C16orf96: variants seen among roughly 807,000 people sequenced by gnomAD.
The protein encoded by C16orf96 is uncharacterized protein C16orf96.
A neutral mutation model predicts 103.6 loss-of-function variants in C16orf96; 108 were observed. The observed-to-expected ratio is 1.04, with a 90% CI of 0.89 to 1.22. The LOEUF (loss-of-function observed/expected upper bound fraction) is 1.22, where lower values mean the gene tolerates loss of function less well. Among genes scored for constraint, C16orf96 ranks in the 50% most tolerant of loss-of-function variants. The probability of loss-of-function intolerance (pLI) is 0.00; values close to 1 mark genes in which losing one functional copy is unlikely to be tolerated. For missense variants in C16orf96, 1,586 were observed against 1,464.2 expected (o/e 1.08, Z -1.36); for synonymous variants, 566 against 593.5 (o/e 0.95, Z 0.67).
chr16:4,546,457 C>CTTTTT, the C16orf96 span, among the ~76,000 whole-genome samples: 4 of 104,548 alleles, frequency 3.8e-5, no homozygotes, highest in Non-Finnish European at 7.3e-5. Flanking sequence ...CGCGCCCGGA[C>CTTTTT]TTTTTTTTTT....
rs2059495012 is a variant in C16orf96 at position 4,575,626 on chromosome 16, A to G, written c.1146A>G (p.Pro382=). 6.6e-7 allele frequency: 1 copy of G among 1,525,232 alleles called. No individual in the cohort carries two copies. The highest frequency in any genetic ancestry group is 8.8e-7 in the Non-Finnish European group (1 of 1,135,482). 94.5% of individuals were successfully genotyped at this position (1,525,232 alleles called of 1,614,324 possible). ...CTGCCCCAGGTGCCCAGCCTCCACC[A>G]CTGGGAGACTGGCCTGCACTCCCAA... ...PVPAPGAQPP[P]LGDWPALPRR... is the part of the protein sequence containing the mutation. The change falls in exon 5 of 16, where the codon CCA becomes CCG. Residue 382 remains proline, a synonymous_variant. Transcript: ENST00000444310.
In C16orf96 at chr16:4,574,757, A is replaced by T. The variant is rs1229476946; in HGVS notation, c.574A>T (p.Asn192Tyr). The T allele has an allele frequency of 1.3e-6, 2 of 1,551,762 alleles. No individual in the cohort carries two copies. Among genetic ancestry groups the T allele is most frequent in the Non-Finnish European group, 1.7e-6 (2 of 1,147,098 alleles). Residue 192 changes from asparagine to tyrosine, a missense_variant, in exon 3 of 16, where the codon AAC becomes TAC. Coordinates refer to ENST00000444310, the MANE Select transcript of C16orf96 (RefSeq NM_001145011.2). ...DIFAEDFKIQNWKMVALQREV... is the reference protein window; with the variant it reads ...DIFAEDFKIQYWKMVALQREV... ...CTTTGCTGAAGACTTCAAAATACAGAACTGGAAGATGGTTGCACTGCAGCG... is the reference window on the plus strand; with the variant it reads ...CTTTGCTGAAGACTTCAAAATACAGTACTGGAAGATGGTTGCACTGCAGCG...
rs534734920 is a variant in C16orf96 at position 4,563,956 on chromosome 16, C to T, written c.420+7047C>T. 3.0e-4 allele frequency among the ~76,000 whole-genome samples: 45 copies of T among 151,044 alleles called. 1 individual carries two copies. In the South Asian group the frequency reaches 8.4e-3, roughly 28 times the overall value. ...CTCCCACCTGTAATCCCAGCACTTTCGGAGGCCGAAGTGGGCGGATCACCT... is the reference window on the plus strand; with the variant it reads ...CTCCCACCTGTAATCCCAGCACTTTTGGAGGCCGAAGTGGGCGGATCACCT... On this transcript the variant is annotated intron_variant, in intron 1 of 15. Transcript: ENST00000444310.
the C16orf96 span, chr16:4,538,814 C>T: frequency 1.3e-5 from 2 of 152,148 alleles, no homozygotes; most frequent in African/African-American, 4.8e-5. Flanking sequence ...GGGCCGAGGC[C>T]CGGGACGTCA....
At chr16:4,585,656 C>T (rs892038346) in intron 7 of C16orf96, among the ~76,000 whole-genome samples, 3 of 152,084 alleles carry the variant, frequency 2.0e-5, no homozygotes, top group Non-Finnish European at 4.4e-5. Context: ...GCGGTTGCTG[C>T]GGCAAATCAC....
rs1383138893 is a variant in C16orf96 at position 4,576,286 on chromosome 16, C to G, written c.1806C>G (p.Thr602=). Residue 602 remains threonine (T), a synonymous_variant, in exon 5 of 16, where the codon ACC becomes ACG. Transcript: ENST00000444310. The part of the protein sequence containing the change: ...AAKFVKDAPA[T]KMAAIATDTA... ...AGTTTGTCAAGGATGCCCCAGCCAC[C>G]AAAATGGCCGCCATTGCAACAGACA... 7 of 1,550,654 alleles carry G rather than the reference C, an allele frequency of 4.5e-6. No individual in the cohort carries two copies. Among genetic ancestry groups the G allele is most frequent in the Non-Finnish European group, 6.1e-6 (7 of 1,147,012 alleles).
In C16orf96 at chr16:4,599,353, C is replaced by T. The variant is rs948973371; in HGVS notation, c.3197C>T (p.Ala1066Val). ...GTGCACTCCAGTGCCCTATTTGGCG[C>T]CATCTGCCCCCGTGAGTACCTGGTT... ...DRVHSSALFG[A>V]ICPPLCPRSS... The change falls in exon 15 of 16, where the codon GCC (alanine) becomes GTC (valine). Residue 1066 changes from alanine (A) to valine (V), a missense_variant. Transcript: ENST00000444310. 4 of 1,551,492 alleles carry T rather than the reference C, an allele frequency of 2.6e-6. No individual in the cohort carries two copies. The highest frequency in any genetic ancestry group is 3.5e-6 in the Non-Finnish European group (4 of 1,146,890).
At chr16:4,545,403 G>A in the C16orf96 span, among the ~76,000 whole-genome samples, 1 of 152,136 alleles carries the variant, frequency 6.6e-6, no homozygotes, top group Admixed American at 6.6e-5. Flanking sequence ...TGTTGCCCAA[G>A]CTGGTGTCAA....
chr16:4,568,478 T>C (rs1451527753), intron 1 of C16orf96, among the ~76,000 whole-genome samples: 1 of 151,116 alleles, frequency 6.6e-6, no homozygotes, highest in Non-Finnish European at 1.5e-5. Context: ...TATTTTATAG[T>C]GACAGGGTCT....
chr16:4,588,853 A>G (rs963375982), intron 9 of C16orf96, among the ~76,000 whole-genome samples: 1 of 152,084 alleles, frequency 6.6e-6, no homozygotes, highest in Non-Finnish European at 1.5e-5. Flanking sequence ...GCTGCTGCTC[A>G]TGGTGGAGCT....
rs114695425 is a variant in C16orf96 at position 4,580,089 on chromosome 16, G to A, written c.2316G>A (p.Ala772=). The A allele has an allele frequency of 1.6e-3, 2,425 of 1,544,162 alleles. 38 individuals are homozygous for A. The African/African-American group carries it at 0.03, about 19-fold the overall frequency. ...MKDRYITLDK[A]VENLQIRMDE... ...ATCGCTACATCACTTTGGACAAGGC[G>A]GTGGAGAACCTGCAGATTCGCATGG... The change falls in exon 7 of 16, where the codon GCG becomes GCA. Residue 772 remains alanine, a synonymous_variant. Coordinates refer to ENST00000444310, the MANE Select transcript of C16orf96 (RefSeq NM_001145011.2).
At chr16:4,574,825 C>T (rs773486913) in intron 3 of C16orf96, 36 bp downstream of exon 3, 60 of 1,546,474 alleles carry the variant, frequency 3.9e-5, no homozygotes, top group Non-Finnish European at 5.2e-5. Flanking sequence ...CCCACTCCCC[C>T]TGGGACCCCC....
intron 2 of C16orf96, 123 bp from the exon 3 acceptor site, chr16:4,574,586 G>A: frequency 1.3e-6 from 1 of 762,396 alleles, no homozygotes. Flanking sequence ...CCCACTCCTT[G>A]GGAAACACTG....
At position 4,576,623 on chromosome 16, in the gene C16orf96, T is replaced by C; in HGVS notation, c.2143T>C (p.Leu715=). The change falls in exon 5 of 16, where the codon TTG becomes CTG. Residue 715 remains leucine (L), a synonymous_variant. Transcript: ENST00000444310. ...AQLSCNLNQR[L]SYLANMGGPS... Reference sequence around the variant, plus strand: ...GCTGTCCTGTAACCTGAACCAGCGCTTGAGTTATCTAGGTAGGCCTGGTCT... The same window carrying C: ...GCTGTCCTGTAACCTGAACCAGCGCCTGAGTTATCTAGGTAGGCCTGGTCT... The C allele has an allele frequency of 6.4e-7, 1 of 1,550,830 alleles. No individual in the cohort carries two copies. The highest frequency in any genetic ancestry group is 1.2e-5 in the South Asian group (1 of 83,922).
In C16orf96 at chr16:4,592,363, G is replaced by A; in HGVS notation, c.2770G>A (p.Gly924Ser). 6.4e-7 allele frequency: 1 copy of A among 1,551,620 alleles called. No individual in the cohort carries two copies. Among genetic ancestry groups the A allele is most frequent in the South Asian group, 1.2e-5 (1 of 84,062 alleles). The stretch of plus-strand genomic sequence containing the variant: ...TGACCGGCCTGTGGAGATGATGACT[G>A]GCCCGTGAGTACCACCGCCCAGGGT... ...SCDRPVEMMT[G>S]PQLITIRKAH... Residue 924 changes from glycine (G) to serine (S), a missense_variant, in exon 11 of 16, where the codon GGC becomes AGC. Transcript: ENST00000444310.
intron 1 of C16orf96, among the ~76,000 whole-genome samples, chr16:4,558,864 G>A (rs559079944): frequency 2.0e-5 from 3 of 147,182 alleles, no homozygotes; most frequent in South Asian, 4.3e-4. Flanking sequence ...GCAGTGAGCC[G>A]AGATCGCACC....
At chr16:4,598,150 G>A (rs886987681) in intron 14 of C16orf96, among the ~76,000 whole-genome samples, 1 of 151,848 alleles carries the variant, frequency 6.6e-6, no homozygotes, top group Non-Finnish European at 1.5e-5. Context: ...CCAGAAGTTC[G>A]AGACCAACCT....
At chr16:4,587,583 A>T (rs1344250136) in intron 8 of C16orf96, among the ~76,000 whole-genome samples, 1 of 151,524 alleles carries the variant, frequency 6.6e-6, no homozygotes, top group Admixed American at 6.6e-5. Flanking sequence ...AAAGGAAAAC[A>T]GGAGGCACAT....
intron 1 of C16orf96, among the ~76,000 whole-genome samples, chr16:4,562,184 A>G (rs1182733154): frequency 1.3e-5 from 2 of 152,146 alleles, no homozygotes; most frequent in Admixed American, 6.6e-5. Flanking sequence ...GATGTTCAAG[A>G]GAAAAGATTG....
Sources: allele counts gnomAD v4.1 joint callset (sites outside exome capture counted in the v4.1 genomes callset), GRCh38; gene constraint gnomAD v4.1.1; transcripts MANE v1.5; gene names NCBI Gene and HGNC (gene_info 2026-07-23, HGNC 2026-07-21).